DMD: variants seen among roughly 807,000 people sequenced by gnomAD.
DMD encodes the protein dystrophin.
DMD carries 63 observed loss-of-function variants against 330.1 expected under a neutral mutation model. The ratio of observed to expected loss-of-function variants is 0.19; its 90% CI spans 0.16 to 0.24. The LOEUF (loss-of-function observed/expected upper bound fraction) is 0.24, where lower values mean the gene tolerates loss of function less well. Among genes scored for constraint, DMD ranks in the 10% least tolerant of loss-of-function variants. The probability of loss-of-function intolerance (pLI) is 1.00; values close to 1 mark genes in which losing one functional copy is unlikely to be tolerated. For missense variants in DMD, 3,344 were observed against 2,684.1 expected (o/e 1.25, Z -5.43); for synonymous variants, 1,223 against 959.8 (o/e 1.27, Z -5.07).
intron 8 of DMD, 115 bp from the exon 9 acceptor site, chrX:32,698,113 A>T (rs2063791200): frequency 1.2e-6 from 1 of 837,024 alleles, no homozygotes; most frequent in African/African-American, 2.0e-5. Flanking sequence ...AAATGGTGAG[A>T]TTCAATGTTT....
chrX:32,762,951 G>A (rs912091815), intron 7 of DMD, among the ~76,000 whole-genome samples: 7 of 111,886 alleles, frequency 6.3e-5, no homozygotes, highest in African/African-American at 2.3e-4. Context: ...TGTCAGTGGT[G>A]CTTCCTTTGA....
chrX:32,500,580 C>T (rs2043950207), intron 19 of DMD, among the ~76,000 whole-genome samples: 1 of 111,514 alleles, frequency 9.0e-6, no homozygotes, highest in South Asian at 3.7e-4. Context: ...GGGGAACTTA[C>T]ATAACAACTA....
intron 10 of DMD, among the ~76,000 whole-genome samples, chrX:32,644,753 T>G (rs999778969): frequency 1.8e-5 from 2 of 111,060 alleles, no homozygotes; most frequent in Non-Finnish European, 3.8e-5. Context: ...GAAGTTGGGC[T>G]TTCGTATTCC....
At chrX:31,167,979 C>G (rs2039597517) in intron 74 of DMD, among the ~76,000 whole-genome samples, 1 of 112,112 alleles carries the variant, frequency 8.9e-6, no homozygotes, top group South Asian at 3.7e-4. Context: ...CCAAAGTGCT[C>G]TGGGAATAGA....
chrX:31,496,745 T>C (rs1484822429), intron 57 of DMD, 43 bp downstream of exon 57: 1 of 1,195,707 alleles, frequency 8.4e-7, no homozygotes, highest in South Asian at 1.8e-5. Context: ...TGGATTACTA[T>C]GTGCTTAACA....
chrX:31,736,972 G>A (rs780233086), intron 51 of DMD, among the ~76,000 whole-genome samples: 1 of 111,829 alleles, frequency 8.9e-6, no homozygotes, highest in Non-Finnish European at 1.9e-5. Context: ...GTTAATATTT[G>A]TAAGGTGTTT....
intron 61 of DMD, among the ~76,000 whole-genome samples, chrX:31,338,309 C>CAAAAAAAAAAAAAAA: frequency 1.9e-5 from 1 of 53,394 alleles, no homozygotes; most frequent in Non-Finnish European, 3.3e-5. Flanking sequence ...AGTAAAAATA[C>CAAAAAAAAAAAAAAA]AAAAAAAAAA....
At chrX:32,786,086 AGTGTGTGTGTGT>A (rs368269067) in intron 7 of DMD, among the ~76,000 whole-genome samples, 48 of 96,561 alleles carry the variant, frequency 5.0e-4, no homozygotes, top group East Asian at 2.2e-3. Flanking sequence ...GAGGAATAAG[AGTGTGTGTGTGT>A]GTGTGTGTGT....
chrX:31,199,036 A>G (rs1235934260), intron 67 of DMD, among the ~76,000 whole-genome samples: 4 of 112,082 alleles, frequency 3.6e-5, no homozygotes, highest in Non-Finnish European at 5.6e-5. Flanking sequence ...AACATGATGT[A>G]AATTGCACGA....
chrX:32,348,653 T>C, intron 37 of DMD, 125 bp from the exon 38 acceptor site: 5 of 648,561 alleles, frequency 7.7e-6, no homozygotes, highest in Non-Finnish European at 9.1e-6. Flanking sequence ...TTCCATATTA[T>C]GTTTTATGAA....
chrX:31,736,420 T>C (rs1457856487), intron 51 of DMD, among the ~76,000 whole-genome samples: 1 of 111,001 alleles, frequency 9.0e-6, no homozygotes, highest in African/African-American at 3.3e-5. Flanking sequence ...AGGAAGAAAT[T>C]GGAGATAAAA....
In DMD at chrX:31,288,791, A is replaced by G. The variant is rs185523644; in HGVS notation, c.9225-27775T>C. On this transcript the variant is annotated intron_variant, in intron 62 of 78. Coordinates refer to ENST00000357033, the MANE Select transcript of DMD (RefSeq NM_004006.3). ...ATGCTAAGAATAACTGACAACTGAC[A>G]ACTTTGGAGGACAGATTCCTACCAA... 1.2e-4 allele frequency among the ~76,000 whole-genome samples: 14 copies of G among 112,115 alleles called. No homozygotes were observed. The Admixed American group carries it at 1.3e-3, about 11-fold the overall frequency.
Position 31,210,040 on chromosome X carries a change from GA to G in DMD, c.9362-342del, listed in dbSNP as rs746247831. On this transcript the variant is annotated intron_variant, in intron 64 of 78. Transcript: ENST00000357033. ...ACAGAGTCAATTGTCACCTGAATAA[GA>G]AAAAAAAAATGTTTTAGCAGAAATT... Among the ~76,000 whole-genome samples the G allele has an allele frequency of 5.0e-4, 53 of 106,661 alleles. 1 individual carries two copies. In the East Asian group the frequency reaches 7.0e-3, roughly 14 times the overall value. The allele number at this position is 106,661 out of a possible 115,157, so 92.6% of individuals were successfully genotyped here.
rs747724261 is a variant in DMD at position 31,688,370 on chromosome X, A to G, written c.7661-8784T>C. ...ACGCAAATAAACTAGAAAATCTAGAAGAAATGGATAAATTCCTGCACACAT... is the reference window on the plus strand; with the variant it reads ...ACGCAAATAAACTAGAAAATCTAGAGGAAATGGATAAATTCCTGCACACAT... On this transcript the variant is annotated intron_variant, in intron 52 of 78. Coordinates refer to ENST00000357033, the MANE Select transcript of DMD (RefSeq NM_004006.3). 3.6e-5 allele frequency among the ~76,000 whole-genome samples: 4 copies of G among 111,799 alleles called. No individual in the cohort carries two copies. The East Asian group carries it at 1.1e-3, about 31-fold the overall frequency.
intron 1 of DMD, among the ~76,000 whole-genome samples, chrX:33,076,628 C>T (rs749423508): frequency 1.8e-5 from 2 of 111,461 alleles, no homozygotes; most frequent in Non-Finnish European, 3.8e-5. Flanking sequence ...TAAAATGTAA[C>T]GTTTATATAG....
At chrX:32,819,848 TAAAAAA>T (rs35344665) in intron 5 of DMD, among the ~76,000 whole-genome samples, 1 of 81,016 alleles carries the variant, frequency 1.2e-5, no homozygotes, top group African/African-American at 4.3e-5. Context: ...AATGTTGGTG[TAAAAAA>T]AAAAAAAAAA....
chrX:33,024,473 G>A (rs1031452180), intron 1 of DMD, among the ~76,000 whole-genome samples: 2 of 111,789 alleles, frequency 1.8e-5, no homozygotes, highest in East Asian at 2.8e-4. Context: ...ACTGACCAAC[G>A]TTTTATTTTA....
chrX:32,482,814 T>G (rs1230681410), intron 21 of DMD, among the ~76,000 whole-genome samples: 2 of 110,817 alleles, frequency 1.8e-5, no homozygotes, highest in East Asian at 5.7e-4. Flanking sequence ...TATATTATTT[T>G]CTTCTATCAC....
intron 44 of DMD, among the ~76,000 whole-genome samples, chrX:31,995,590 G>A (rs5927060): frequency 0.23 from 25,959 of 110,887 alleles, 2,869 homozygotes; most frequent in African/African-American, 0.44. Flanking sequence ...GAATGGAAAG[G>A]GAGGAGGGAG....
Sources: gnomAD v4.1 joint callset for allele counts (sites outside exome capture counted in the v4.1 genomes callset) on GRCh38, gnomAD v4.1.1 for gene constraint, MANE v1.5 for transcripts, NCBI Gene and HGNC (gene_info 2026-07-23, HGNC 2026-07-21) for gene names.